The following USP34 variants were observed in gnomAD, a reference collection of about 807,000 sequenced individuals.
The protein encoded by USP34 is ubiquitin carboxyl-terminal hydrolase 34.
USP34 carries 70 observed loss-of-function variants against 460.3 expected under a neutral mutation model. The ratio of observed to expected loss-of-function variants is 0.15; its 90% confidence interval spans 0.13 to 0.19. The LOEUF (loss-of-function observed/expected upper bound fraction) is 0.19, where lower values mean the gene tolerates loss of function less well. Among genes scored for constraint, USP34 ranks in the 10% least tolerant of loss-of-function variants. The pLI, the probability that USP34 is intolerant of heterozygous loss-of-function variation, is 1.00. For synonymous variants in USP34, 1,647 were observed against 1,405.3 expected, an observed-to-expected ratio of 1.17 and a Z score of -3.85; for missense variants, 3,985 against 4,236.2, an observed-to-expected ratio of 0.94 and a Z score of 1.65.
chr2:61,336,921 G>A (rs913256192), intron 18 of USP34, among the ~76,000 whole-genome samples: 9 of 151,402 alleles, frequency 5.9e-5, no homozygotes, highest in Admixed American at 1.3e-4. Flanking sequence ...TCTTTTTAAC[G>A]GTTAGGCCTG....
At chr2:61,239,373 G>A (rs1688180386) in intron 53 of USP34, among the ~76,000 whole-genome samples, 1 of 143,522 alleles carries the variant, frequency 7.0e-6, no homozygotes, top group Non-Finnish European at 1.5e-5. Flanking sequence ...AACCACTGAT[G>A]TAAATAAACA....
At chr2:61,273,100 T>C (rs1422554214) in intron 41 of USP34, among the ~76,000 whole-genome samples, 2 of 152,136 alleles carry the variant, frequency 1.3e-5, no homozygotes, top group Non-Finnish European at 2.9e-5. Flanking sequence ...AAGCAATGAT[T>C]CCATATCAAC....
At chr2:61,404,346 T>C (rs969617811) in intron 3 of USP34, among the ~76,000 whole-genome samples, 11 of 152,194 alleles carry the variant, frequency 7.2e-5, no homozygotes, top group African/African-American at 2.7e-4. Context: ...GGAAACAATG[T>C]ATAAGATATA....
At chr2:61,383,057 T>C (rs1693022310) in intron 6 of USP34, among the ~76,000 whole-genome samples, 1 of 152,054 alleles carries the variant, frequency 6.6e-6, no homozygotes, top group African/African-American at 2.4e-5. Flanking sequence ...TACATACTCA[T>C]GTAAAAAAAA....
intron 18 of USP34, among the ~76,000 whole-genome samples, chr2:61,335,463 T>A (rs979021718): frequency 1.3e-5 from 2 of 152,106 alleles, no homozygotes; most frequent in South Asian, 4.1e-4. Flanking sequence ...CCACAAAGGC[T>A]CAATGGCCAA....
intron 1 of USP34, among the ~76,000 whole-genome samples, chr2:61,434,680 C>G (rs1042866478): frequency 1.3e-5 from 2 of 151,870 alleles, no homozygotes; most frequent in African/African-American, 4.8e-5. Context: ...TGTGTCCACA[C>G]AGAACCAAGG....
intron 10 of USP34, among the ~76,000 whole-genome samples, chr2:61,366,172 C>T (rs374400694): frequency 3.9e-5 from 6 of 152,220 alleles, no homozygotes; most frequent in South Asian, 2.1e-4. Flanking sequence ...GATCCGCCCA[C>T]GTTGGCCTCC....
chr2:61,350,436 C>A, intron 11 of USP34, 47 bp from the exon 12 acceptor site: 2 of 1,581,286 alleles, frequency 1.3e-6, no homozygotes, highest in East Asian at 2.3e-5. Flanking sequence ...CCAGGCAACA[C>A]TAACAAATTT....
intron 1 of USP34, among the ~76,000 whole-genome samples, chr2:61,451,290 G>A (rs1328036468): frequency 6.7e-6 from 1 of 149,162 alleles, no homozygotes; most frequent in African/African-American, 2.5e-5. Flanking sequence ...ACGGCACCAG[G>A]CACAAAGATA....
intron 6 of USP34, among the ~76,000 whole-genome samples, chr2:61,381,487 T>C (rs1243070578): frequency 2.0e-5 from 3 of 152,058 alleles, no homozygotes; most frequent in South Asian, 2.1e-4. Context: ...TATAGAAGCA[T>C]GCCACCACGA....
chr2:61,397,975 A>G (rs1283211894), intron 3 of USP34, among the ~76,000 whole-genome samples: 6 of 152,008 alleles, frequency 3.9e-5, no homozygotes, highest in African/African-American at 1.4e-4. Flanking sequence ...ACTAAGGCAC[A>G]AGAATCACTT....
intron 1 of USP34, among the ~76,000 whole-genome samples, chr2:61,457,505 C>T (rs1362314370): frequency 6.6e-6 from 1 of 152,280 alleles, no homozygotes; most frequent in Non-Finnish European, 1.5e-5. Context: ...AGACAGAATC[C>T]TACCTAGTTT....
intron 10 of USP34, among the ~76,000 whole-genome samples, chr2:61,353,463 C>T (rs1692012267): frequency 6.6e-6 from 1 of 150,916 alleles, no homozygotes; most frequent in Admixed American, 6.6e-5. Context: ...GCGATCTCAG[C>T]TCACTGCCAC....
chr2:61,387,763 G>T, intron 5 of USP34, among the ~76,000 whole-genome samples: 1 of 139,762 alleles, frequency 7.2e-6, no homozygotes, highest in Non-Finnish European at 1.5e-5. Flanking sequence ...ATACACACAT[G>T]TAAAATATAT....
intron 8 of USP34, among the ~76,000 whole-genome samples, chr2:61,371,779 G>A (rs1306292001): frequency 2.6e-5 from 4 of 152,146 alleles, no homozygotes; most frequent in African/African-American, 9.6e-5. Context: ...CTCCATTCTT[G>A]GTAAGCGTCC....
chr2:61,256,592 A>G (rs1688730697), intron 47 of USP34, 114 bp from the exon 48 acceptor site: 2 of 745,800 alleles, frequency 2.7e-6, no homozygotes, highest in African/African-American at 3.7e-5. Context: ...TTTTTTTTTA[A>G]AAGTGAATTC....
chr2:61,371,681 T>A (rs1355021779), intron 8 of USP34, among the ~76,000 whole-genome samples: 2 of 152,192 alleles, frequency 1.3e-5, no homozygotes, highest in African/African-American at 4.8e-5. Flanking sequence ...TTACAAAGTC[T>A]ACAGTAGTGT....
intron 41 of USP34, among the ~76,000 whole-genome samples, chr2:61,271,617 G>C (rs536016370): frequency 1.3e-4 from 20 of 152,082 alleles, no homozygotes; most frequent in Non-Finnish European, 2.2e-4. Context: ...GAAAAAGGAA[G>C]GGAGGAGGAG....
chr2:61,265,905 C>G, intron 42 of USP34, 79 bp downstream of exon 42: 2 of 1,316,320 alleles, frequency 1.5e-6, no homozygotes, highest in Non-Finnish European at 2.0e-6. Flanking sequence ...AGAGCAGATT[C>G]TTTTGTTAAA....
Sources: gnomAD v4.1 joint callset for allele counts (sites outside exome capture counted in the v4.1 genomes callset) on GRCh38, gnomAD v4.1.1 for gene constraint, MANE v1.5 for transcripts, NCBI Gene and HGNC (gene_info 2026-07-23, HGNC 2026-07-21) for gene names.